PRKCH: variants seen among roughly 807,000 people sequenced by gnomAD.
PRKCH encodes the protein protein kinase C eta type.
A neutral mutation model predicts 82.5 loss-of-function variants in PRKCH; 28 were observed. The observed-to-expected ratio is 0.34, with a 90% CI of 0.25 to 0.47. The LOEUF (loss-of-function observed/expected upper bound fraction) is 0.47, where lower values mean the gene tolerates loss of function less well. Among genes scored for constraint, PRKCH ranks in the 20% least tolerant of loss-of-function variants. The pLI is 1.00. For missense variants in PRKCH, 705 were observed against 881.8 expected (o/e 0.80, Z 2.54); for synonymous variants, 322 against 327.4 (o/e 0.98, Z 0.18).
chr14:61,408,093 A>G (rs1330457885), intron 2 of PRKCH, among the ~76,000 whole-genome samples: 1 of 152,152 alleles, frequency 6.6e-6, no homozygotes, highest in East Asian at 1.9e-4. Context: ...AGACTTTGAA[A>G]CATGTTTTAG....
At chr14:61,241,021 C>G (rs1239010684) in intron 1 of PRKCH, among the ~76,000 whole-genome samples, 1 of 152,172 alleles carries the variant, frequency 6.6e-6, no homozygotes, top group Non-Finnish European at 1.5e-5. Flanking sequence ...GAACTCAGTT[C>G]TAGAAGACTG....
At chr14:61,474,274 A>C (rs1477427334) in intron 9 of PRKCH, among the ~76,000 whole-genome samples, 1 of 152,154 alleles carries the variant, frequency 6.6e-6, no homozygotes, top group Non-Finnish European at 1.5e-5. Flanking sequence ...CACTTAGCCA[A>C]CTGAAGCTTG....
intron 10 of PRKCH, among the ~76,000 whole-genome samples, chr14:61,486,296 A>G (rs972513597): frequency 6.6e-6 from 1 of 152,228 alleles, no homozygotes; most frequent in Admixed American, 6.5e-5. Flanking sequence ...AGTTACAAGA[A>G]TTACAGTCAT....
chr14:61,443,638 A>G (rs1266201074), intron 3 of PRKCH, among the ~76,000 whole-genome samples: 1 of 152,242 alleles, frequency 6.6e-6, no homozygotes, highest in East Asian at 1.9e-4. Flanking sequence ...CATGAATCGC[A>G]TAATGACTTA....
chr14:61,211,963 C>T (rs554403745), intron 1 of PRKCH, among the ~76,000 whole-genome samples: 13 of 152,220 alleles, frequency 8.5e-5, no homozygotes, highest in East Asian at 1.9e-4. Flanking sequence ...GTGAAGAGGC[C>T]GCCAGCAGCC....
intron 9 of PRKCH, 82 bp downstream of exon 9, chr14:61,457,761 G>A (rs1884846095): frequency 2.0e-6 from 3 of 1,537,488 alleles, no homozygotes; most frequent in African/African-American, 1.4e-5. Flanking sequence ...ATTTCATAAA[G>A]TTGAGTATCA....
chr14:61,432,815 C>T (rs991522931), intron 2 of PRKCH, among the ~76,000 whole-genome samples: 2 of 151,992 alleles, frequency 1.3e-5, no homozygotes, highest in African/African-American at 2.4e-5. Context: ...CTCAAGTGAT[C>T]CTCCCACTTC....
At chr14:61,201,664 C>T (rs899470104) in intron 1 of PRKCH, among the ~76,000 whole-genome samples, 5 of 152,100 alleles carry the variant, frequency 3.3e-5, no homozygotes, top group African/African-American at 9.7e-5. Context: ...AACATTACTA[C>T]ATCAAAAAGC....
chr14:61,253,997 CCCTCCCTCCCTCCCTTCCTT>C (rs1228544737), intron 1 of PRKCH, among the ~76,000 whole-genome samples: 1 of 132,518 alleles, frequency 7.5e-6, no homozygotes, highest in East Asian at 2.6e-4. Flanking sequence ...CTCCCTCCCT[CCCTCCCTCCCTCCCTTCCTT>C]CCTTCCTTCC....
chr14:61,511,130 G>T (rs974412119), intron 10 of PRKCH, among the ~76,000 whole-genome samples: 6 of 152,186 alleles, frequency 3.9e-5, no homozygotes, highest in African/African-American at 1.4e-4. Flanking sequence ...AATGACTCAA[G>T]TAGAGCCTCT....
rs549677220 is a variant in PRKCH at position 61,534,082 on chromosome 14, A to G, written c.1761+3487A>G. 1.2e-4 allele frequency among the ~76,000 whole-genome samples: 18 copies of G among 152,322 alleles called. No homozygotes were observed. In the South Asian group the frequency reaches 3.7e-3, roughly 32 times the overall value. On this transcript the variant is annotated intron_variant, in intron 12 of 13. Coordinates refer to ENST00000332981, the MANE Select transcript of PRKCH (RefSeq NM_006255.5). ...TGACTCATCAAAGGCCATTTAACAC[A>G]TTACTTAAATCAATTGGGGCCTTTG...
At chr14:61,250,742 C>T (rs1191450396) in intron 1 of PRKCH, among the ~76,000 whole-genome samples, 1 of 151,720 alleles carries the variant, frequency 6.6e-6, no homozygotes, top group African/African-American at 2.4e-5. Flanking sequence ...AACTACAGAC[C>T]TCGGGTACCA....
In PRKCH at chr14:61,550,459, A is replaced by G. The variant is rs1295683823; in HGVS notation, c.*628A>G. ...CTCTTATCCTTACTTTCTTTAATAGATATTTATTAAACTGTCCAGTGAAAA... is the reference window on the plus strand; with the variant it reads ...CTCTTATCCTTACTTTCTTTAATAGGTATTTATTAAACTGTCCAGTGAAAA... On this transcript the variant is annotated 3_prime_UTR_variant, in exon 14 of 14. Coordinates refer to ENST00000332981, the MANE Select transcript of PRKCH (RefSeq NM_006255.5). The G allele has an allele frequency of 6.6e-6, 1 of 152,602 alleles. No individual in the cohort carries two copies. Among genetic ancestry groups the G allele is most frequent in the African/African-American group, 2.4e-5 (1 of 41,434 alleles). 9.5% of individuals were successfully genotyped at this position (152,602 alleles called of 1,614,324 possible).
chr14:61,520,706 C>T lies in PRKCH; in HGVS notation c.1434-8369C>T, dbSNP rs562671258. Among the ~76,000 whole-genome samples the T allele has an allele frequency of 5.9e-5, 9 of 152,240 alleles. 1 individual carries two copies. In the South Asian group the frequency reaches 1.0e-3, roughly 18 times the overall value. The stretch of plus-strand genomic sequence containing the variant: ...AAACAATGAGCTCATTTTTCACTGG[C>T]GGTTTGGCAAGAATTAGAAGGATGA... On this transcript the variant is annotated intron_variant, in intron 10 of 13. Coordinates refer to ENST00000332981, the MANE Select transcript of PRKCH (RefSeq NM_006255.5).
intron 1 of PRKCH, among the ~76,000 whole-genome samples, chr14:61,260,036 T>C (rs1356953853): frequency 6.6e-6 from 1 of 152,192 alleles, no homozygotes; most frequent in Non-Finnish European, 1.5e-5. Flanking sequence ...ACCAGTATCC[T>C]GGAAGTGAAC....
chr14:61,378,613 G>T (rs750516963), intron 1 of PRKCH, among the ~76,000 whole-genome samples: 2 of 152,066 alleles, frequency 1.3e-5, no homozygotes, highest in African/African-American at 2.4e-5. Context: ...AGCTGTTAAG[G>T]ACAGCCCAGT....
At chr14:61,361,529 A>G (rs1415862014) in intron 1 of PRKCH, among the ~76,000 whole-genome samples, 1 of 152,118 alleles carries the variant, frequency 6.6e-6, no homozygotes, top group Admixed American at 6.5e-5. Flanking sequence ...GAAACTTTCA[A>G]CTCTCTGTTT....
chr14:61,540,887 G>A (rs934266290), intron 12 of PRKCH, among the ~76,000 whole-genome samples: 6 of 152,208 alleles, frequency 3.9e-5, no homozygotes, highest in East Asian at 1.9e-4. Context: ...AGCACCATTC[G>A]GTATAAGAAC....
intron 2 of PRKCH, among the ~76,000 whole-genome samples, chr14:61,409,253 A>G (rs974739600): frequency 1.3e-5 from 2 of 152,194 alleles, no homozygotes; most frequent in African/African-American, 4.8e-5. Context: ...ATAGCAGAAC[A>G]TGGATCAGGA....
Sources: allele counts gnomAD v4.1 joint callset (sites outside exome capture counted in the v4.1 genomes callset), GRCh38; gene constraint gnomAD v4.1.1; transcripts MANE v1.5; gene names NCBI Gene and HGNC (gene_info 2026-07-23, HGNC 2026-07-21).